Variants in PRKD1 observed in about 807,000 individuals in gnomAD.
The protein encoded by PRKD1 is protein kinase D1.
A neutral mutation model predicts 95.9 loss-of-function variants in PRKD1; 63 were observed. The ratio of observed to expected loss-of-function variants is 0.66; its 90% CI spans 0.54 to 0.81. The LOEUF (loss-of-function observed/expected upper bound fraction) is 0.81, where lower values mean the gene tolerates loss of function less well. Ranked by LOEUF, PRKD1 falls within the 30% of genes least tolerant of loss-of-function variation. The probability of loss-of-function intolerance (pLI) is 0.00; values close to 1 mark genes in which losing one functional copy is unlikely to be tolerated. For synonymous variants in PRKD1, 425 were observed against 423.1 expected, an observed-to-expected ratio of 1.00 and a Z score of -0.05; for missense variants, 1,048 against 1,165.3, an observed-to-expected ratio of 0.90 and a Z score of 1.47.
chr14:29,875,621 T>A (rs1306986544), intron 1 of PRKD1, among the ~76,000 whole-genome samples: 1 of 152,228 alleles, frequency 6.6e-6, no homozygotes, highest in Non-Finnish European at 1.5e-5. Flanking sequence ...ATAAGCAATT[T>A]ATCTATTCAC....
At chr14:29,689,128 C>T (rs1409874054) in intron 2 of PRKD1, among the ~76,000 whole-genome samples, 1 of 151,734 alleles carries the variant, frequency 6.6e-6, no homozygotes, top group East Asian at 1.9e-4. Flanking sequence ...TCTAATCAAA[C>T]TAAAGAGCTT....
intron 1 of PRKD1, among the ~76,000 whole-genome samples, chr14:29,868,893 C>A (rs1470951878): frequency 2.0e-5 from 3 of 152,116 alleles, no homozygotes; most frequent in Non-Finnish European, 4.4e-5. Context: ...AAGGCAAATA[C>A]ACTTAGGGAG....
At chr14:29,701,245 A>G (rs1028189036) in intron 2 of PRKD1, among the ~76,000 whole-genome samples, 2 of 152,164 alleles carry the variant, frequency 1.3e-5, no homozygotes, top group African/African-American at 4.8e-5. Flanking sequence ...GAAATTTGTT[A>G]GAAATGTATG....
chr14:29,835,400 C>A (rs540990038), intron 1 of PRKD1, among the ~76,000 whole-genome samples: 15 of 152,228 alleles, frequency 9.9e-5, no homozygotes, highest in African/African-American at 3.6e-4. Flanking sequence ...ACCTTCACAA[C>A]CATAATACTG....
In PRKD1 at chr14:29,822,782, C is replaced by T. The variant is rs1007545205; in HGVS notation, c.265-97108G>A. Among the ~76,000 whole-genome samples, 8 of 152,118 alleles carry T rather than the reference C, an allele frequency of 5.3e-5. No homozygotes were observed. In the East Asian group the frequency reaches 5.8e-4, roughly 11 times the overall value. On this transcript the variant is annotated intron_variant, in intron 1 of 17. Coordinates refer to ENST00000331968, the MANE Select transcript of PRKD1 (RefSeq NM_002742.3). ...GGGAATATCCCACAAGCAGCTAGGA[C>T]GCAAAAGGGACATTCTTTACTGATT...
chr14:29,866,077 AGAT>A (rs1371552625), intron 1 of PRKD1, among the ~76,000 whole-genome samples: 4 of 152,190 alleles, frequency 2.6e-5, no homozygotes, highest in African/African-American at 9.6e-5. Context: ...CAGCCATGTC[AGAT>A]GATGATGTTT....
Position 29,599,773 on chromosome 14 carries a change from C to T in PRKD1, c.1950G>A (p.Glu650=). Residue 650 remains glutamate, a synonymous_variant, in exon 14 of 18, where the codon GAG becomes GAA. Transcript: ENST00000331968. ...PGVVNLECMF[E]TPERVFVVME... ...TAACAACAAACACTCTTTCAGGCGTCTCAAACATACACTCCAAATTTACAA... is the reference window on the plus strand; with the variant it reads ...TAACAACAAACACTCTTTCAGGCGTTTCAAACATACACTCCAAATTTACAA... The T allele has an allele frequency of 6.2e-7, 1 of 1,613,092 alleles. No individual in the cohort carries two copies. Among genetic ancestry groups the T allele is most frequent in the Non-Finnish European group, 8.5e-7 (1 of 1,179,626 alleles).
intron 4 of PRKD1, among the ~76,000 whole-genome samples, chr14:29,655,712 A>T (rs139847985): frequency 1.3e-5 from 2 of 152,048 alleles, no homozygotes; most frequent in East Asian, 1.9e-4. Flanking sequence ...GGCTTAACTA[A>T]AACCTTTTTT....
At chr14:29,800,986 C>T (rs1890004261) in intron 1 of PRKD1, among the ~76,000 whole-genome samples, 2 of 152,008 alleles carry the variant, frequency 1.3e-5, no homozygotes, top group South Asian at 4.2e-4. Flanking sequence ...AATAAAAATG[C>T]TAGTGTAATA....
chr14:29,868,327 T>C (rs965409283), intron 1 of PRKD1, among the ~76,000 whole-genome samples: 2 of 152,204 alleles, frequency 1.3e-5, no homozygotes, highest in African/African-American at 2.4e-5. Flanking sequence ...ATAAGCATTC[T>C]TCAAAAGATG....
intron 1 of PRKD1, among the ~76,000 whole-genome samples, chr14:29,753,933 T>C (rs565955925): frequency 1.3e-5 from 2 of 152,282 alleles, no homozygotes; most frequent in Admixed American, 1.3e-4. Context: ...TGTGAGAATT[T>C]TTTTGAGAAC....
intron 2 of PRKD1, among the ~76,000 whole-genome samples, chr14:29,706,042 C>T (rs1315205157): frequency 6.6e-6 from 1 of 152,096 alleles, no homozygotes; most frequent in Non-Finnish European, 1.5e-5. Context: ...AAAGCAGCTG[C>T]ACCATTTTAC....
At chr14:29,779,302 G>T (rs998293801) in intron 1 of PRKD1, among the ~76,000 whole-genome samples, 2 of 152,152 alleles carry the variant, frequency 1.3e-5, no homozygotes, top group Non-Finnish European at 2.9e-5. Flanking sequence ...TCAGGCAGGA[G>T]AAAGAAATAA....
At chr14:29,883,513 G>C (rs1594601054) in intron 1 of PRKD1, among the ~76,000 whole-genome samples, 1 of 151,858 alleles carries the variant, frequency 6.6e-6, no homozygotes, top group Non-Finnish European at 1.5e-5. Flanking sequence ...TTCACTAACA[G>C]ACATATGTTT....
intron 4 of PRKD1, 31 bp from the exon 5 acceptor site, chr14:29,638,935 G>A (rs1238543549): frequency 1.3e-6 from 2 of 1,527,270 alleles, no homozygotes; most frequent in Non-Finnish European, 1.8e-6. Context: ...AAGGAAGCAA[G>A]ATGTAAGAGG....
Position 29,668,026 on chromosome 14 carries a change from A to G in PRKD1, c.404-1818T>C, listed in dbSNP as rs142779316. On this transcript the variant is annotated intron_variant, in intron 2 of 17. Transcript: ENST00000331968. The stretch of plus-strand genomic sequence containing the variant: ...TTAAATGCCATATTTCTAAAGTTCA[A>G]TTTTAATATTCTCCTGTTAATTTTA... Among the ~76,000 whole-genome samples, 803 of 152,214 alleles carry G rather than the reference A, an allele frequency of 5.3e-3. 3 individuals are homozygous for G. The highest frequency in any genetic ancestry group is 0.014 in the Middle Eastern group (4 of 294).
chr14:29,905,278 C>G (rs1030257353), intron 1 of PRKD1, among the ~76,000 whole-genome samples: 3 of 152,166 alleles, frequency 2.0e-5, no homozygotes, highest in Non-Finnish European at 4.4e-5. Context: ...GGGCCGGAAC[C>G]TGGACCAATT....
At chr14:29,728,689 T>C (rs895598866) in intron 1 of PRKD1, among the ~76,000 whole-genome samples, 1 of 152,190 alleles carries the variant, frequency 6.6e-6, no homozygotes, top group Non-Finnish European at 1.5e-5. Context: ...ATGGACATTG[T>C]AGTCTTTTTT....
intron 13 of PRKD1, among the ~76,000 whole-genome samples, chr14:29,616,438 C>T (rs1484305401): frequency 2.6e-5 from 3 of 114,740 alleles, no homozygotes; most frequent in East Asian, 3.2e-4. Flanking sequence ...TTGTTGTTAT[C>T]GTTTATGGTT....
Sources: allele counts gnomAD v4.1 joint callset (sites outside exome capture counted in the v4.1 genomes callset), GRCh38; gene constraint gnomAD v4.1.1; transcripts MANE v1.5; gene names NCBI Gene and HGNC (gene_info 2026-07-23, HGNC 2026-07-21).